The following CEACAM3 variants were observed in gnomAD, a reference collection of about 807,000 sequenced individuals.
CEACAM3 encodes the protein cell adhesion molecule CEACAM3.
Under a neutral mutation model 30.1 loss-of-function variants are expected in CEACAM3, and 32 were observed. That is an observed-to-expected ratio of 1.06 (90% CI 0.80 to 1.43). CEACAM3 has a LOEUF of 1.43. Ranked by LOEUF, CEACAM3 falls within the 40% of genes most tolerant of loss-of-function variation. The pLI is 0.00. For missense variants in CEACAM3, 290 were observed against 316.3 expected (o/e 0.92, Z 0.63); for synonymous variants, 134 against 127.2 (o/e 1.05, Z -0.36).
intron 1 of CEACAM3, 108 bp from the exon 2 acceptor site, chr19:41,797,481 T>C (rs2073110783): frequency 4.2e-6 from 6 of 1,419,666 alleles, no homozygotes; most frequent in Non-Finnish European, 5.8e-6. Context: ...GGGACACACA[T>C]ACACTCTCCA....
chr19:41,809,016 C>G (rs918382723), intron 3 of CEACAM3, 86 bp downstream of exon 3: 34 of 975,742 alleles, frequency 3.5e-5, no homozygotes, highest in Non-Finnish European at 6.1e-6. Flanking sequence ...TATTCAGGGC[C>G]AGGCTCTCCA....
intron 2 of CEACAM3, among the ~76,000 whole-genome samples, chr19:41,805,285 C>CTTCTTTTTTTT (rs1568741497): frequency 9.5e-6 from 1 of 105,054 alleles, no homozygotes; most frequent in African/African-American, 3.6e-5. Flanking sequence ...CTTTTTTCTT[C>CTTCTTTTTTTT]TTTTTTTTTT....
rs781844542 is a variant in CEACAM3, at chr19:41,810,026, C to T, written c.595+9C>T. 1.2e-6 allele frequency: 2 copies of T among 1,613,530 alleles called. No homozygotes were observed. The highest frequency in any genetic ancestry group is 1.7e-6 in the Non-Finnish European group (2 of 1,179,578). The stretch of plus-strand genomic sequence containing the variant: ...CCAAGCCCTTGCCCCTGGTGAGTGT[C>T]CTCTCAGCCCAGGTGTGGCTGGGAA... On this transcript the variant is annotated intron_variant, in intron 4 of 6. Transcript: ENST00000357396.
chr19:41,803,204 C>A (rs142348335), intron 2 of CEACAM3, among the ~76,000 whole-genome samples: 3 of 152,060 alleles, frequency 2.0e-5, no homozygotes, highest in Non-Finnish European at 2.9e-5. Flanking sequence ...AAAAAGTAGA[C>A]CCCATGCAGG....
intron 2 of CEACAM3, among the ~76,000 whole-genome samples, chr19:41,802,259 C>T (rs1462312533): frequency 2.0e-5 from 3 of 152,234 alleles, no homozygotes; most frequent in Non-Finnish European, 4.4e-5. Context: ...ATCCTCCAGT[C>T]ATTCCCTAGA....
intron 2 of CEACAM3, among the ~76,000 whole-genome samples, chr19:41,806,903 G>A (rs2073204915): frequency 6.6e-6 from 1 of 152,116 alleles, no homozygotes; most frequent in African/African-American, 2.4e-5. Flanking sequence ...TAGCCAGGAT[G>A]GTCTCGATCT....
intron 2 of CEACAM3, among the ~76,000 whole-genome samples, chr19:41,806,224 T>C (rs1357438075): frequency 6.6e-6 from 1 of 152,094 alleles, no homozygotes. Flanking sequence ...GACTGGGTTT[T>C]TCGCCATGTT....
intron 2 of CEACAM3, 130 bp from the exon 3 acceptor site, chr19:41,808,683 C>G (rs1305899802): frequency 1.4e-6 from 1 of 729,056 alleles, no homozygotes; most frequent in Non-Finnish European, 2.3e-6. Flanking sequence ...ATGAGGACAA[C>G]ACAAGAGACT....
At chr19:41,808,992 G>A (rs962598731) in intron 3 of CEACAM3, 62 bp downstream of exon 3, 73 of 1,244,266 alleles carry the variant, frequency 5.9e-5, no homozygotes, top group Non-Finnish European at 7.9e-5. Flanking sequence ...CAAAAGAAAG[G>A]AGACCTTGTC....
chr19:41,799,204 T>C (rs1555825713), intron 2 of CEACAM3, among the ~76,000 whole-genome samples: 3 of 152,156 alleles, frequency 2.0e-5, no homozygotes, highest in Non-Finnish European at 2.9e-5. Context: ...TGGGAGGCGA[T>C]TGGATCATGG....
chr19:41,807,018 C>T, intron 2 of CEACAM3: 1 of 1,356,110 alleles, frequency 7.4e-7, no homozygotes, highest in Admixed American at 2.0e-5. Flanking sequence ...TGGAGTTGGC[C>T]AAAGAATAGG....
Position 41,810,894 on chromosome 19 carries a change from T to A in CEACAM3, c.690T>A (p.Tyr230Ter), listed in dbSNP as rs782514120. The A allele has an allele frequency of 3.1e-6, 5 of 1,613,418 alleles. No individual in the cohort carries two copies. The highest frequency in any genetic ancestry group is 4.2e-6 in the Non-Finnish European group (5 of 1,179,646). The change falls in exon 6 of 7, where the codon TAT becomes TAA. Residue 230 changes from tyrosine to a stop codon, truncating the protein, a stop_gained. Coordinates refer to ENST00000357396, the MANE Select transcript of CEACAM3 (RefSeq NM_001815.5). LOFTEE classifies it low-confidence loss of function (END_TRUNC). ...LPNPRTAASIYEELLKHDTNI... is the reference protein window; with the variant it reads ...LPNPRTAASI ...ACCCCAGGACAGCAGCTTCCATCTA[T>A]GAGGTGAGTGTGGGCCACGGATGTT...
intron 5 of CEACAM3, among the ~76,000 whole-genome samples, 200 bp downstream of exon 5, chr19:41,810,554 G>A (rs1448701779): frequency 2.6e-5 from 4 of 152,026 alleles, no homozygotes; most frequent in East Asian, 1.9e-4. Flanking sequence ...CCCCTCCCCG[G>A]GACCCTCCAT....
rs2073171684 is a variant in CEACAM3 at position 41,803,471 on chromosome 19, T to TTTTG, written c.425-5339_425-5338insGTTT. Reference sequence around the variant, plus strand: ...GTGTGTGTGTGTGTTGTTTTGTTTGTTTTTTTTTTTTTTGAGACAGAGTCT... The same window carrying TTTTG: ...GTGTGTGTGTGTGTTGTTTTGTTTGTTTTGTTTTTTTTTTTTTGAGACAGAGTCT... On this transcript the variant is annotated intron_variant, in intron 2 of 6. Coordinates refer to ENST00000357396, the MANE Select transcript of CEACAM3 (RefSeq NM_001815.5). 5.2e-5 allele frequency among the ~76,000 whole-genome samples: 6 copies of TTTTG among 115,020 alleles called. No homozygotes were observed. In the South Asian group the frequency reaches 1.5e-3, roughly 29 times the overall value. The allele number at this position is 115,020 out of a possible 152,430, so 75.5% of individuals were successfully genotyped here.
chr19:41,803,745 C>CCT (rs2073175416), intron 2 of CEACAM3, among the ~76,000 whole-genome samples: 1 of 85,158 alleles, frequency 1.2e-5, no homozygotes, highest in Non-Finnish European at 3.4e-5. Context: ...GGATTACAGG[C>CCT]ATGAGCCACC....
rs1164374295 is a variant in CEACAM3 at position 41,811,419 on chromosome 19, C to T, written c.*182C>T. ...AATATCTGGAGACCTCGACAGCCTG[C>T]CCTAGGCCCTGGGTGGGTCAGGACA... On this transcript the variant is annotated 3_prime_UTR_variant, in exon 7 of 7. Coordinates refer to ENST00000357396, the MANE Select transcript of CEACAM3 (RefSeq NM_001815.5). 3.3e-6 allele frequency: 2 copies of T among 607,598 alleles called. No homozygotes were observed. Among genetic ancestry groups the T allele is most frequent in the African/African-American group, 3.7e-5 (2 of 54,116 alleles). 37.6% of individuals were successfully genotyped at this position (607,598 alleles called of 1,614,324 possible). A position where few individuals can be genotyped will look rare whatever the true frequency, so the allele number is the denominator to read the frequency against.
chr19:41,797,980 G>A (rs782677730), intron 2 of CEACAM3, 32 bp downstream of exon 2: 2 of 1,572,180 alleles, frequency 1.3e-6, no homozygotes, highest in Non-Finnish European at 1.7e-6. Context: ...CTGGGTGTTG[G>A]GGGTCAGTTC....
At chr19:41,797,136 G>T in intron 1 of CEACAM3, 1 of 238,008 alleles carries the variant, frequency 4.2e-6, no homozygotes, top group East Asian at 9.7e-5. Flanking sequence ...TTTAGGCACT[G>T]GCGTACAACA....
rs782406730 is a variant in CEACAM3 at position 41,810,338 on chromosome 19, A to C, written c.611A>C (p.His204Pro). 1 of 1,601,542 alleles carries C rather than the reference A, an allele frequency of 6.2e-7. No individual in the cohort carries two copies. Among genetic ancestry groups the C allele is most frequent in the Admixed American group, 1.7e-5 (1 of 58,042 alleles). ...QALAPGRGPS[H>P]SSAFSMSPLS... Reference sequence around the variant, plus strand: ...CTGTTTCCAGGCCGTGGTCCCTCCCACAGCTCTGCCTTCTCGGTAAGCCTG... The same window carrying C: ...CTGTTTCCAGGCCGTGGTCCCTCCCCCAGCTCTGCCTTCTCGGTAAGCCTG... Residue 204 changes from histidine to proline, a missense_variant, in exon 5 of 7, where the codon CAC (histidine) becomes CCC (proline). Transcript: ENST00000357396.
Sources: gnomAD v4.1 joint callset for allele counts (sites outside exome capture counted in the v4.1 genomes callset) on GRCh38, gnomAD v4.1.1 for gene constraint, MANE v1.5 for transcripts, NCBI Gene and HGNC (gene_info 2026-07-23, HGNC 2026-07-21) for gene names.